The following YTHDC2 variants were observed in gnomAD, a reference collection of about 807,000 sequenced individuals.
YTHDC2 encodes 3'-5' RNA helicase YTHDC2.
In YTHDC2, 45 loss-of-function variants were observed where a neutral mutation model predicts 174.9. That is an observed-to-expected ratio of 0.26 (90% CI 0.20 to 0.33). The LOEUF is 0.33. Ranked by LOEUF, YTHDC2 falls within the 10% of genes least tolerant of loss-of-function variation. The probability of loss-of-function intolerance (pLI) is 1.00; values close to 1 mark genes in which losing one functional copy is unlikely to be tolerated. For missense variants in YTHDC2, 1,650 were observed against 1,723.7 expected, an observed-to-expected ratio of 0.96 and a Z score of 0.76; for synonymous variants, 657 against 574.5, an observed-to-expected ratio of 1.14 and a Z score of -2.05.
At chr5:113,536,441 C>T (rs537736669) in intron 7 of YTHDC2, among the ~76,000 whole-genome samples, 118 of 152,282 alleles carry the variant, frequency 7.7e-4, no homozygotes, top group African/African-American at 2.7e-3. Flanking sequence ...AGGAGAATGG[C>T]GTGAACCCAG....
chr5:113,520,229 C>A (rs1360517738), intron 2 of YTHDC2, among the ~76,000 whole-genome samples: 1 of 152,196 alleles, frequency 6.6e-6, no homozygotes, highest in East Asian at 1.9e-4. Context: ...AGGACATGAA[C>A]TTACTCTTTT....
intron 16 of YTHDC2, among the ~76,000 whole-genome samples, chr5:113,554,782 T>C (rs1257011474): frequency 6.6e-6 from 1 of 151,678 alleles, no homozygotes. Flanking sequence ...AGTACTGGAA[T>C]GCCCAGCAGT....
At chr5:113,582,382 T>C (rs1203636417) in intron 25 of YTHDC2, 1 of 152,208 alleles carries the variant, frequency 6.6e-6, no homozygotes, top group Non-Finnish European at 1.5e-5. Flanking sequence ...GTTTATTTTA[T>C]GAATATTAAT....
At chr5:113,565,533 G>A (rs191369194) in intron 20 of YTHDC2, among the ~76,000 whole-genome samples, 35 of 152,210 alleles carry the variant, frequency 2.3e-4, no homozygotes, top group Middle Eastern at 6.8e-3. Flanking sequence ...TTTTTTGGAG[G>A]ACAAGAGTGG....
At position 113,524,977 on chromosome 5, in the gene YTHDC2, T is replaced by G. The variant is rs1214185801; in HGVS notation, c.279-4T>G. On this transcript the variant is annotated splice_region_variant and splice_polypyrimidine_tract_variant and intron_variant, in intron 2 of 29. Coordinates refer to ENST00000161863, the MANE Select transcript of YTHDC2 (RefSeq NM_022828.5). ...GTAAATAAATGATTTTTATTAATAT[T>G]CAGAAAGGGAGCAAATAGATACCTA... 2 of 1,579,050 alleles carry G rather than the reference T, an allele frequency of 1.3e-6. No homozygotes were observed. Among genetic ancestry groups the G allele is most frequent in the Non-Finnish European group, 1.7e-6 (2 of 1,166,288 alleles).
chr5:113,595,130 T>C lies in YTHDC2; in HGVS notation c.*1656T>C, dbSNP rs1292465841. On this transcript the variant is annotated 3_prime_UTR_variant, in exon 30 of 30. Coordinates refer to ENST00000161863, the MANE Select transcript of YTHDC2 (RefSeq NM_022828.5). ...ATTTGGAAGGACTTAAAAAAAAAAC[T>C]TGTTTAAATTTCCATCTGTTTTGTA... The C allele has an allele frequency of 6.6e-6, 1 of 152,130 alleles. No homozygotes were observed. The highest frequency in any genetic ancestry group is 1.5e-5 in the Non-Finnish European group (1 of 68,004). The allele number at this position is 152,130 out of a possible 1,614,324, so 9.4% of individuals were successfully genotyped here. A position where few individuals can be genotyped will look rare whatever the true frequency, so the allele number is the denominator to read the frequency against.
chr5:113,556,357 A>T (rs1776612336), intron 17 of YTHDC2: 3 of 328,118 alleles, frequency 9.1e-6, no homozygotes, highest in East Asian at 4.9e-5. Flanking sequence ...GTACATTCAG[A>T]TGTAAGAAGC....
At position 113,584,251 on chromosome 5, in the gene YTHDC2, G is replaced by A. The variant is rs544881334; in HGVS notation, c.3648-51G>A. The A allele has an allele frequency of 4.7e-6, 7 of 1,493,440 alleles. No homozygotes were observed. The Admixed American group carries it at 8.0e-5, about 17-fold the overall frequency. The allele number at this position is 1,493,440 out of a possible 1,614,324, so 92.5% of individuals were successfully genotyped here. On this transcript the variant is annotated intron_variant, in intron 25 of 29. Transcript: ENST00000161863. ...ATAAACTTATACATAACTGATCTTTGTATGACGAACTTATATATAACTGAT... is the reference window on the plus strand; with the variant it reads ...ATAAACTTATACATAACTGATCTTTATATGACGAACTTATATATAACTGAT...
At chr5:113,582,801 A>C (rs1042106362) in intron 25 of YTHDC2, 1 of 152,146 alleles carries the variant, frequency 6.6e-6, no homozygotes, top group African/African-American at 2.4e-5. Flanking sequence ...AGAGGAATAA[A>C]ACATTGGTTT....
intron 4 of YTHDC2, among the ~76,000 whole-genome samples, chr5:113,528,686 T>G (rs1262864000): frequency 6.6e-6 from 1 of 152,160 alleles, no homozygotes; most frequent in Non-Finnish European, 1.5e-5. Flanking sequence ...TTTTTAAATT[T>G]TTTGTAGAGA....
rs200786247 is a variant in YTHDC2 at position 113,564,042 on chromosome 5, G to C, written c.2626G>C (p.Ala876Pro). Residue 876 changes from alanine (A) to proline (P), a missense_variant, in exon 20 of 30, where the codon GCC becomes CCC. By Grantham distance (27) the Ala-to-Pro change is conservative. Coordinates refer to ENST00000161863, the MANE Select transcript of YTHDC2 (RefSeq NM_022828.5). Reference protein sequence around the residue: ...YRDPFVLPTQASQKRAAMLCR... With the variant: ...YRDPFVLPTQPSQKRAAMLCR... ...AGATCCTTTTGTACTACCTACTCAGGCCTCTCAAAAACGTGCAGCTATGCT... is the reference window on the plus strand; with the variant it reads ...AGATCCTTTTGTACTACCTACTCAGCCCTCTCAAAAACGTGCAGCTATGCT... The C allele has an allele frequency of 3.7e-5, 59 of 1,613,934 alleles. No homozygotes were observed. Among genetic ancestry groups the C allele is most frequent in the Non-Finnish European group, 4.6e-5 (54 of 1,180,010 alleles).
Position 113,533,129 on chromosome 5 carries a change from G to A in YTHDC2, c.842+84G>A, listed in dbSNP as rs553837699. ...TTCACTAAAAATAGAGGATGTGTTC[G>A]TTGAAAAGTTAGGTGATCATTTTGC... On this transcript the variant is annotated intron_variant, in intron 5 of 29. Transcript: ENST00000161863. 187 of 1,466,820 alleles carry A rather than the reference G, an allele frequency of 1.3e-4. 4 individuals carry two copies. The African/African-American group carries it at 2.1e-3, about 16-fold the overall frequency. 90.9% of individuals were successfully genotyped at this position (1,466,820 alleles called of 1,614,324 possible). A position where few individuals can be genotyped will look rare whatever the true frequency, so the allele number is the denominator to read the frequency against.
chr5:113,530,985 G>GC (rs933679723), intron 4 of YTHDC2, among the ~76,000 whole-genome samples: 3 of 151,876 alleles, frequency 2.0e-5, no homozygotes, highest in African/African-American at 4.8e-5. Context: ...TTTTCTTCCC[G>GC]CCCCCCAACT....
chr5:113,574,059 T>A (rs1333898930), intron 23 of YTHDC2, among the ~76,000 whole-genome samples: 1 of 152,240 alleles, frequency 6.6e-6, no homozygotes, highest in Non-Finnish European at 1.5e-5. Context: ...TTTTGAGTTT[T>A]CAGCATCTTT....
chr5:113,567,906 A>T (rs9885504), intron 23 of YTHDC2, 57 bp downstream of exon 23: 11 of 1,306,408 alleles, frequency 8.4e-6, no homozygotes, highest in Non-Finnish European at 1.1e-5. Flanking sequence ...TTTTTACCAA[A>T]TAATGAAATT....
At position 113,564,061 on chromosome 5, in the gene YTHDC2, C is replaced by T. The variant is rs1777181704; in HGVS notation, c.2645C>T (p.Ala882Val). 5.6e-6 allele frequency: 9 copies of T among 1,614,142 alleles called. No individual in the cohort carries two copies. Among genetic ancestry groups the T allele is most frequent in the Non-Finnish European group, 6.8e-6 (8 of 1,180,028 alleles). The change falls in exon 20 of 30, where the codon GCT (alanine) becomes GTT (valine). Residue 882 changes from alanine (A) to valine (V), a missense_variant. Ala to Val is a moderately conservative substitution (Grantham distance 64). This residue lies in a region of YTHDC2 where 913 missense variants were observed against 940.4 expected (regional missense o/e 0.97). Coordinates refer to ENST00000161863, the MANE Select transcript of YTHDC2 (RefSeq NM_022828.5). The stretch of plus-strand genomic sequence containing the variant: ...ACTCAGGCCTCTCAAAAACGTGCAG[C>T]TATGCTTTGTAGGAAACGTTTTACT... ...LPTQASQKRAAMLCRKRFTAG... is the reference protein window; with the variant it reads ...LPTQASQKRAVMLCRKRFTAG...
At chr5:113,521,820 C>CA (rs59402463) in intron 2 of YTHDC2, among the ~76,000 whole-genome samples, 2 of 118,572 alleles carry the variant, frequency 1.7e-5, no homozygotes, top group Non-Finnish European at 1.8e-5. Flanking sequence ...GACTCTGTCT[C>CA]AAAAAAAAAA....
intron 6 of YTHDC2, 107 bp from the exon 7 acceptor site, chr5:113,535,535 C>T (rs2112592539): frequency 8.4e-6 from 9 of 1,070,472 alleles, no homozygotes; most frequent in East Asian, 2.7e-5. Context: ...TGGCCTTGTC[C>T]ACATTTAATT....
intron 27 of YTHDC2, 71 bp from the exon 28 acceptor site, chr5:113,591,925 C>T: frequency 8.4e-7 from 1 of 1,191,118 alleles, no homozygotes; most frequent in Non-Finnish European, 1.1e-6. Context: ...ACTCAGCCTT[C>T]TCAGATAAAT....
Sources: gnomAD v4.1 joint callset for allele counts (sites outside exome capture counted in the v4.1 genomes callset) on GRCh38, gnomAD v4.1.1 for gene constraint, gnomAD v4.1.1 regional missense constraint, MANE v1.5 for transcripts, NCBI Gene and HGNC (gene_info 2026-07-23, HGNC 2026-07-21) for gene names.